MCF2L2: variants seen among roughly 807,000 people sequenced by gnomAD.
The protein encoded by MCF2L2 is probable guanine nucleotide exchange factor MCF2L2.
Under a neutral mutation model 150.2 loss-of-function variants are expected in MCF2L2, and 102 were observed. The observed-to-expected ratio is 0.68, with a 90% CI of 0.58 to 0.80. The LOEUF is 0.80. Among genes scored for constraint, MCF2L2 ranks in the 30% least tolerant of loss-of-function variants. The pLI is 0.00. For synonymous variants in MCF2L2, 465 were observed against 491.3 expected (o/e 0.95, Z 0.71); for missense variants, 1,256 against 1,372.8 (o/e 0.91, Z 1.34).
intron 3 of MCF2L2, among the ~76,000 whole-genome samples, chr3:183,343,591 A>G (rs1218242661): frequency 6.6e-6 from 1 of 152,088 alleles, no homozygotes; most frequent in Non-Finnish European, 1.5e-5. Flanking sequence ...GCTGGTCTCA[A>G]TCTCCTGACC....
intron 5 of MCF2L2, among the ~76,000 whole-genome samples, chr3:183,338,447 CAAAAA>C (rs58920831): frequency 9.6e-6 from 1 of 104,702 alleles, no homozygotes. Context: ...AACTCTATCT[CAAAAA>C]AAAAAAAAAA....
intron 5 of MCF2L2, among the ~76,000 whole-genome samples, chr3:183,333,814 C>G (rs1318698116): frequency 6.6e-6 from 1 of 152,156 alleles, no homozygotes; most frequent in African/African-American, 2.4e-5. Flanking sequence ...AGTAATAGCA[C>G]ATCTTGCATC....
chr3:183,322,705 A>G (rs373469468), intron 6 of MCF2L2, among the ~76,000 whole-genome samples: 14 of 152,266 alleles, frequency 9.2e-5, no homozygotes, highest in Admixed American at 2.6e-4. Flanking sequence ...GCATGATGCC[A>G]AGGTTTGGGG....
intron 3 of MCF2L2, chr3:183,378,854 T>TG (rs1713347853): frequency 7.0e-6 from 1 of 142,806 alleles, no homozygotes; most frequent in South Asian, 2.2e-4. Context: ...CCCTCTCTGC[T>TG]GAAAAAAAAA....
At chr3:183,311,807 T>A (rs1203105295) in intron 7 of MCF2L2, 35 bp from the exon 8 acceptor site, 1 of 1,591,000 alleles carries the variant, frequency 6.3e-7, no homozygotes, top group Admixed American at 1.8e-5. Context: ...TAGAACGAAT[T>A]AGAAAAAACA....
intron 5 of MCF2L2, among the ~76,000 whole-genome samples, chr3:183,330,367 T>C (rs574552160): frequency 2.2e-4 from 34 of 152,234 alleles, no homozygotes; most frequent in African/African-American, 7.7e-4. Flanking sequence ...GGACCACCAC[T>C]GTATATGTGG....
At chr3:183,386,055 C>T (rs997101955) in intron 2 of MCF2L2, among the ~76,000 whole-genome samples, 2 of 152,180 alleles carry the variant, frequency 1.3e-5, no homozygotes, top group African/African-American at 4.8e-5. Flanking sequence ...GAGTTTCTAT[C>T]GTCAGACCTC....
At chr3:183,384,288 C>G (rs1020094345) in intron 2 of MCF2L2, among the ~76,000 whole-genome samples, 17 of 152,182 alleles carry the variant, frequency 1.1e-4, no homozygotes, top group Non-Finnish European at 2.9e-5. Flanking sequence ...TTAGTTTAAA[C>G]AAACATGGTA....
chr3:183,189,503 T>C (rs1391028262), intron 27 of MCF2L2, among the ~76,000 whole-genome samples: 1 of 152,198 alleles, frequency 6.6e-6, no homozygotes, highest in African/African-American at 2.4e-5. Flanking sequence ...GGAACCGTCT[T>C]AAGTGAATCT....
At chr3:183,339,039 G>T (rs1448875852) in intron 4 of MCF2L2, 120 bp from the exon 5 acceptor site, 2 of 953,920 alleles carry the variant, frequency 2.1e-6, no homozygotes, top group Non-Finnish European at 2.9e-6. Flanking sequence ...TAAAACGGAT[G>T]CCATGGATGT....
intron 14 of MCF2L2, among the ~76,000 whole-genome samples, chr3:183,278,283 TTGTGTGTGTGTG>T (rs144622953): frequency 2.2e-5 from 3 of 138,534 alleles, no homozygotes; most frequent in Non-Finnish European, 3.1e-5. Context: ...AATGAAAAAA[TTGTGTGTGTGTG>T]TGTGTGTGTG....
intron 1 of MCF2L2, among the ~76,000 whole-genome samples, chr3:183,425,894 G>C (rs941151016): frequency 1.3e-5 from 2 of 151,914 alleles, no homozygotes; most frequent in African/African-American, 4.8e-5. Context: ...GGCGGAGGTT[G>C]CAGTGAGTCG....
chr3:183,300,337 C>T (rs1011465539), intron 10 of MCF2L2, 141 bp from the exon 11 acceptor site: 106 of 748,532 alleles, frequency 1.4e-4, no homozygotes, highest in Non-Finnish European at 2.1e-4. Flanking sequence ...CCTGAGAAAG[C>T]TCGGAATGGT....
In MCF2L2 at chr3:183,179,240, A is replaced by C. The variant is rs574042276; in HGVS notation, c.*140T>G. The C allele has an allele frequency of 4.3e-6, 5 of 1,172,856 alleles. No homozygotes were observed. In the Admixed American group the frequency reaches 1.2e-4, roughly 29 times the overall value. The allele number at this position is 1,172,856 out of a possible 1,614,324, so 72.7% of individuals were successfully genotyped here. A position where few individuals can be genotyped will look rare whatever the true frequency, so the allele number is the denominator to read the frequency against. On this transcript the variant is annotated 3_prime_UTR_variant, in exon 30 of 30. Coordinates refer to ENST00000328913, the MANE Select transcript of MCF2L2 (RefSeq NM_015078.4). The surrounding 1 kb of genome is among the most constrained non-coding windows in gnomAD (Gnocchi z 4.2). Reference sequence around the variant, plus strand: ...GGACACCCCTCGGGCTCCTCGGAGGAGGCCCTGGTTGTCCCCTTTCTGCCG... The same window carrying C: ...GGACACCCCTCGGGCTCCTCGGAGGCGGCCCTGGTTGTCCCCTTTCTGCCG...
At chr3:183,387,644 A>G (rs1713906388) in intron 2 of MCF2L2, among the ~76,000 whole-genome samples, 1 of 152,142 alleles carries the variant, frequency 6.6e-6, no homozygotes, top group Non-Finnish European at 1.5e-5. Flanking sequence ...TAATCCTCAA[A>G]ATTACTGGCT....
chr3:183,253,281 C>G (rs996458995), intron 15 of MCF2L2: 4 of 151,594 alleles, frequency 2.6e-5, no homozygotes, highest in Non-Finnish European at 4.4e-5. Flanking sequence ...GCCGGGGAAG[C>G]GAGCCCAGTC....
At chr3:183,379,274 G>C (rs1411338451) in intron 3 of MCF2L2, 23 bp downstream of exon 3, 1 of 1,557,466 alleles carries the variant, frequency 6.4e-7, no homozygotes, top group Non-Finnish European at 8.8e-7. Flanking sequence ...GCCTAAGGCG[G>C]CAGGACACTG....
intron 15 of MCF2L2, among the ~76,000 whole-genome samples, chr3:183,232,462 C>A (rs1723602765): frequency 6.6e-6 from 1 of 152,188 alleles, no homozygotes; most frequent in African/African-American, 2.4e-5. Flanking sequence ...CCCAGACAGA[C>A]TTTCTTTCTC....
intron 3 of MCF2L2, among the ~76,000 whole-genome samples, chr3:183,364,810 C>G (rs1509016): frequency 0.32 from 48,010 of 151,940 alleles, 11,582 homozygotes; most frequent in African/African-American, 0.67. Context: ...TAATTTCCTA[C>G]GAAAATATAG....
Sources: gnomAD v4.1 joint callset for allele counts (sites outside exome capture counted in the v4.1 genomes callset) on GRCh38, gnomAD v4.1.1 for gene constraint, Gnocchi (gnomAD v3.1) non-coding constraint, MANE v1.5 for transcripts, NCBI Gene and HGNC (gene_info 2026-07-23, HGNC 2026-07-21) for gene names.